OR10Z1: variants seen among roughly 807,000 people sequenced by gnomAD.
OR10Z1 encodes the protein olfactory receptor family 10 subfamily Z member 1, also known as olfactory receptor 10Z1.
For missense variants in OR10Z1, 468 were observed against 371.0 expected, an observed-to-expected ratio of 1.26 and a Z score of -2.15; for synonymous variants, 187 against 151.2, an observed-to-expected ratio of 1.24 and a Z score of -1.74.
rs998922040 is a variant in OR10Z1 at position 158,609,825 on chromosome 1, T to G, written c.*2445T>G. On this transcript the variant is annotated 3_prime_UTR_variant, in exon 2 of 2. Transcript: ENST00000641002. ...ATGACTAATAATTTGATTTAGGCCTTGAAAATTTTTGGCAGGGTTAGCATT... is the reference window on the plus strand; with the variant it reads ...ATGACTAATAATTTGATTTAGGCCTGGAAAATTTTTGGCAGGGTTAGCATT... 2 of 152,162 alleles carry G rather than the reference T, an allele frequency of 1.3e-5. No individual in the cohort carries two copies. Among genetic ancestry groups the G allele is most frequent in the Non-Finnish European group, 2.9e-5 (2 of 68,014 alleles). 9.4% of individuals were successfully genotyped at this position (152,162 alleles called of 1,614,324 possible).
At chr1:158,605,802 A>G (rs1649033148) in intron 1 of OR10Z1, among the ~76,000 whole-genome samples, 1 of 152,176 alleles carries the variant, frequency 6.6e-6, no homozygotes, top group Non-Finnish European at 1.5e-5. Context: ...ACCTCTCTTG[A>G]TCTTTGTTAC....
rs1239547452 is a variant in OR10Z1 at position 158,611,701 on chromosome 1, T to G, written c.*4321T>G. 2 of 288,810 alleles carry G rather than the reference T, an allele frequency of 6.9e-6. No homozygotes were observed. The highest frequency in any genetic ancestry group is 1.9e-4 in the East Asian group (2 of 10,554). 17.9% of individuals were successfully genotyped at this position (288,810 alleles called of 1,614,324 possible). A position where few individuals can be genotyped will look rare whatever the true frequency, so the allele number is the denominator to read the frequency against. On this transcript the variant is annotated 3_prime_UTR_variant, in exon 2 of 2. Transcript: ENST00000641002. ...CAACATTTGTTGACCACTTGATCTA[T>G]TTCATCTTCCTGGCTGCTTTGAGAT...
At chr1:158,606,244 A>G (rs1649044087) in intron 1 of OR10Z1, 82 bp from the exon 2 acceptor site, 1 of 588,776 alleles carries the variant, frequency 1.7e-6, no homozygotes, top group Non-Finnish European at 3.0e-6. Flanking sequence ...TCATATGGGA[A>G]TGGACCCATA....
At chr1:158,605,506 C>T (rs1330279180) in intron 1 of OR10Z1, 105 bp downstream of exon 1, 1 of 152,484 alleles carries the variant, frequency 6.6e-6, no homozygotes, top group African/African-American at 2.4e-5. Flanking sequence ...CACAACCTGC[C>T]TTGAGCCCTG....
chr1:158,611,326 C>T lies in OR10Z1; in HGVS notation c.*3946C>T. ...TCATAGCCAGAGAGATGGCTTCGAC[C>T]CCGTGGGTCCATATATTGCTGCATA... On this transcript the variant is annotated 3_prime_UTR_variant, in exon 2 of 2. Coordinates refer to ENST00000641002, the MANE Select transcript of OR10Z1 (RefSeq NM_001004478.2). 1 of 1,613,746 alleles carries T rather than the reference C, an allele frequency of 6.2e-7. No individual in the cohort carries two copies. The highest frequency in any genetic ancestry group is 8.5e-7 in the Non-Finnish European group (1 of 1,179,790).
chr1:158,606,418 A>G lies in OR10Z1; in HGVS notation c.-21A>G. Reference sequence around the variant, plus strand: ...CAAGGTGGAAGAAATCAACAAATCTATCAGGGATATACCTCTCAGAATGGG... The same window carrying G: ...CAAGGTGGAAGAAATCAACAAATCTGTCAGGGATATACCTCTCAGAATGGG... On this transcript the variant is annotated 5_prime_UTR_variant, in exon 2 of 2. Transcript: ENST00000641002. The G allele has an allele frequency of 6.6e-7, 1 of 1,510,504 alleles. No homozygotes were observed. The highest frequency in any genetic ancestry group is 1.4e-5 in the African/African-American group (1 of 72,356). 93.6% of individuals were successfully genotyped at this position (1,510,504 alleles called of 1,614,324 possible). A position where few individuals can be genotyped will look rare whatever the true frequency, so the allele number is the denominator to read the frequency against.
At position 158,607,012 on chromosome 1, in the gene OR10Z1, A is replaced by G. The variant is rs1037582722; in HGVS notation, c.574A>G (p.Thr192Ala). The part of the protein sequence containing the change: ...PPVLSLACGD[T>A]GPSELRIFIL... Reference sequence around the variant, plus strand: ...TGTGCTGAGCCTAGCCTGTGGAGATACAGGCCCGAGTGAGCTGAGGATCTT... The same window carrying G: ...TGTGCTGAGCCTAGCCTGTGGAGATGCAGGCCCGAGTGAGCTGAGGATCTT... The change falls in exon 2 of 2, where the codon ACA becomes GCA. Residue 192 changes from threonine to alanine, a missense_variant. Thr to Ala is a moderately conservative substitution (Grantham distance 58). Coordinates refer to ENST00000641002, the MANE Select transcript of OR10Z1 (RefSeq NM_001004478.2). The G allele has an allele frequency of 2.0e-5, 33 of 1,613,948 alleles. No homozygotes were observed. Among genetic ancestry groups the G allele is most frequent in the Non-Finnish European group, 2.7e-5 (32 of 1,179,992 alleles).
In OR10Z1 at chr1:158,607,749, G is replaced by C. The variant is rs1649098289; in HGVS notation, c.*369G>C. The C allele has an allele frequency of 1.7e-5, 3 of 181,156 alleles. No individual in the cohort carries two copies. The highest frequency in any genetic ancestry group is 5.5e-5 in the Admixed American group (1 of 18,082). The allele number at this position is 181,156 out of a possible 1,614,324, so 11.2% of individuals were successfully genotyped here. A position where few individuals can be genotyped will look rare whatever the true frequency, so the allele number is the denominator to read the frequency against. On this transcript the variant is annotated 3_prime_UTR_variant, in exon 2 of 2. Coordinates refer to ENST00000641002, the MANE Select transcript of OR10Z1 (RefSeq NM_001004478.2). ...GAGTGTTCAAGTTCAAGGCAGGGCT[G>C]GCTGGAGCCCATCAGGGATACTGTA... is the stretch of plus-strand genomic sequence containing the variant.
In OR10Z1 at chr1:158,611,323, G is replaced by T. The variant is rs1442688061; in HGVS notation, c.*3943G>T. 2.5e-6 allele frequency: 4 copies of T among 1,613,748 alleles called. No individual in the cohort carries two copies. The highest frequency in any genetic ancestry group is 3.4e-6 in the Non-Finnish European group (4 of 1,179,790). ...TAGTCATAGCCAGAGAGATGGCTTC[G>T]ACCCCGTGGGTCCATATATTGCTGC... On this transcript the variant is annotated 3_prime_UTR_variant, in exon 2 of 2. Coordinates refer to ENST00000641002, the MANE Select transcript of OR10Z1 (RefSeq NM_001004478.2).
In OR10Z1 at chr1:158,610,969, G is replaced by A. The variant is rs12601; in HGVS notation, c.*3589G>A. ...CGGAATAAAGCAAAATGATAAAGACGTGCAAAACAGAACAAATAAAAATAG... is the reference window on the plus strand; with the variant it reads ...CGGAATAAAGCAAAATGATAAAGACATGCAAAACAGAACAAATAAAAATAG... On this transcript the variant is annotated 3_prime_UTR_variant, in exon 2 of 2. Transcript: ENST00000641002. 163,508 of 309,906 alleles carry A rather than the reference G, an allele frequency of 0.53. 44,059 individuals are homozygous for A. The highest frequency in any genetic ancestry group is 0.61 in the East Asian group (9,116 of 15,032). 19.2% of individuals were successfully genotyped at this position (309,906 alleles called of 1,614,324 possible). A position where few individuals can be genotyped will look rare whatever the true frequency, so the allele number is the denominator to read the frequency against.
In OR10Z1 at chr1:158,606,956, A is replaced by C. The variant is rs1221717596; in HGVS notation, c.518A>C (p.Glu173Ala). 1.2e-6 allele frequency: 2 copies of C among 1,614,050 alleles called. No individual in the cohort carries two copies. Among genetic ancestry groups the C allele is most frequent in the South Asian group, 1.1e-5 (1 of 91,072 alleles). Reference sequence around the variant, plus strand: ...CACCTCTCATTCTGCAGCTCCCATGAAATCCAGCACTTTTTTTGTGACACG... The same window carrying C: ...CACCTCTCATTCTGCAGCTCCCATGCAATCCAGCACTTTTTTTGTGACACG... ...IFHLSFCSSHEIQHFFCDTPP... is the reference protein window; with the variant it reads ...IFHLSFCSSHAIQHFFCDTPP... The change falls in exon 2 of 2, where the codon GAA becomes GCA. Residue 173 changes from glutamate to alanine, a missense_variant. By Grantham distance (107) the Glu-to-Ala change is moderately radical. Coordinates refer to ENST00000641002, the MANE Select transcript of OR10Z1 (RefSeq NM_001004478.2).
At position 158,611,797 on chromosome 1, in the gene OR10Z1, C is replaced by A; in HGVS notation, c.*4417C>A. The A allele has an allele frequency of 5.0e-6, 1 of 201,198 alleles. No individual in the cohort carries two copies. The allele number at this position is 201,198 out of a possible 1,614,324, so 12.5% of individuals were successfully genotyped here. A position where few individuals can be genotyped will look rare whatever the true frequency, so the allele number is the denominator to read the frequency against. ...GTAGAATAACTCACCAGTGGTTACA[C>A]TGCCAGAAAGTGGTAGAGCTGGGAC... On this transcript the variant is annotated 3_prime_UTR_variant, in exon 2 of 2. Transcript: ENST00000641002.
In OR10Z1 at chr1:158,611,131, G is replaced by GCGCACACA. The variant is rs879208333; in HGVS notation, c.*3752_*3753insGCACACAC. 53 of 671,426 alleles carry GCGCACACA rather than the reference G, an allele frequency of 7.9e-5. No individual in the cohort carries two copies. The highest frequency in any genetic ancestry group is 1.7e-4 in the South Asian group (10 of 59,590). The allele number at this position is 671,426 out of a possible 1,614,324, so 41.6% of individuals were successfully genotyped here. On this transcript the variant is annotated 3_prime_UTR_variant, in exon 2 of 2. Transcript: ENST00000641002. ...AAATGTAATATGCACACAAACACAAGCACACACACACACACACACACACAC... is the reference window on the plus strand; with the variant it reads ...AAATGTAATATGCACACAAACACAAGCGCACACACACACACACACACACACACACACAC...
Position 158,606,830 on chromosome 1 carries a change from A to T in OR10Z1, c.392A>T (p.His131Leu). The change falls in exon 2 of 2, where the codon CAC becomes CTC. Residue 131 changes from histidine to leucine, a missense_variant. Transcript: ENST00000641002. The part of the protein sequence containing the change: ...DRYVAICAPL[H>L]YASHMNPTLC... The stretch of plus-strand genomic sequence containing the variant: ...TATGTGGCCATCTGTGCTCCACTCC[A>T]CTATGCCAGCCACATGAATCCTACC... 1 of 1,613,784 alleles carries T rather than the reference A, an allele frequency of 6.2e-7. No homozygotes were observed. The highest frequency in any genetic ancestry group is 1.7e-5 in the Admixed American group (1 of 59,958).
At position 158,611,080 on chromosome 1, in the gene OR10Z1, C is replaced by A; in HGVS notation, c.*3700C>A. 4 of 806,704 alleles carry A rather than the reference C, an allele frequency of 5.0e-6. No individual in the cohort carries two copies. The South Asian group carries it at 6.7e-5, about 14-fold the overall frequency. The allele number at this position is 806,704 out of a possible 1,614,324, so 50.0% of individuals were successfully genotyped here. On this transcript the variant is annotated 3_prime_UTR_variant, in exon 2 of 2. Transcript: ENST00000641002. The stretch of plus-strand genomic sequence containing the variant: ...TCTATTAACCTTTCTATCTCCCACC[C>A]TTGAGATTTTTTAAGATCCTACAAT...
rs960484971 is a variant in OR10Z1 at position 158,611,739 on chromosome 1, A to G, written c.*4359A>G. 35 of 260,152 alleles carry G rather than the reference A, an allele frequency of 1.3e-4. No homozygotes were observed. The highest frequency in any genetic ancestry group is 2.3e-4 in the Non-Finnish European group (31 of 133,166). 16.1% of individuals were successfully genotyped at this position (260,152 alleles called of 1,614,324 possible). On this transcript the variant is annotated 3_prime_UTR_variant, in exon 2 of 2. Coordinates refer to ENST00000641002, the MANE Select transcript of OR10Z1 (RefSeq NM_001004478.2). The stretch of plus-strand genomic sequence containing the variant: ...GCTGCTTTGAGATGTGGGGACTAGC[A>G]TGTTTTATGAGTAAGGTAAAATACT...
rs557909559 is a variant in OR10Z1, at chr1:158,606,480, C to T, written c.42C>T (p.Phe14=). ...TAACCTCCTGGAGGGATTTTGTCTT[C>T]CTGGGCTTCTCCAGTTCTGGGGAGT... ...TNVTSWRDFV[F]LGFSSSGELQ... Residue 14 remains phenylalanine (F), a synonymous_variant, in exon 2 of 2, where the codon TTC becomes TTT. Transcript: ENST00000641002. 1.2e-6 allele frequency: 2 copies of T among 1,613,898 alleles called. No homozygotes were observed. The highest frequency in any genetic ancestry group is 2.7e-5 in the African/African-American group (2 of 75,040).
rs1649236047 is a variant in OR10Z1 at position 158,611,198 on chromosome 1, A to G, written c.*3818A>G. ...ATCTTTATCTTCCACATTTGCCTGT[A>G]CTCTTTGCCCCCCAGTAAATTTCCC... On this transcript the variant is annotated 3_prime_UTR_variant, in exon 2 of 2. Coordinates refer to ENST00000641002, the MANE Select transcript of OR10Z1 (RefSeq NM_001004478.2). The G allele has an allele frequency of 6.3e-7, 1 of 1,592,702 alleles. No homozygotes were observed. Among genetic ancestry groups the G allele is most frequent in the South Asian group, 1.1e-5 (1 of 90,426 alleles).
chr1:158,607,267 A>G lies in OR10Z1; in HGVS notation c.829A>G (p.Thr277Ala). 1.2e-6 allele frequency: 2 copies of G among 1,614,052 alleles called. No individual in the cohort carries two copies. Among genetic ancestry groups the G allele is most frequent in the East Asian group, 2.2e-5 (1 of 44,874 alleles). The change falls in exon 2 of 2, where the codon ACC becomes GCC. Residue 277 changes from threonine (T) to alanine (A), a missense_variant. Physicochemically the swap from Thr to Ala is moderately conservative, Grantham distance 58 (BLOSUM62 0). Transcript: ENST00000641002. Reference protein sequence around the residue: ...SLERDQLIAMTYTVVTPLLNP... With the variant: ...SLERDQLIAMAYTVVTPLLNP... ...TGAGAGAGATCAGCTTATTGCCATG[A>G]CCTATACTGTAGTGACCCCCCTCCT...
Sources: gnomAD v4.1 joint callset for allele counts (sites outside exome capture counted in the v4.1 genomes callset) on GRCh38, gnomAD v4.1.1 for gene constraint, MANE v1.5 for transcripts, NCBI Gene and HGNC (gene_info 2026-07-23, HGNC 2026-07-21) for gene names.